Variants in MATR3 observed in about 807,000 individuals in gnomAD.
The protein encoded by MATR3 is matrin 3, also known as matrin-3.
A neutral mutation model predicts 85.5 loss-of-function variants in MATR3; 4 were observed. The observed-to-expected ratio is 0.05, with a 90% CI of 0.02 to 0.11. The LOEUF (loss-of-function observed/expected upper bound fraction) is 0.11. Among genes scored for constraint, MATR3 ranks in the 10% least tolerant of loss-of-function variants. The pLI, the probability that MATR3 is intolerant of heterozygous loss-of-function variation, is 1.00. For synonymous variants in MATR3, 336 were observed against 343.1 expected (o/e 0.98, Z 0.23); for missense variants, 685 against 1,016.1 (o/e 0.67, Z 4.43).
At chr5:139,275,707 G>A (rs539584757) in intron 1 of MATR3, among the ~76,000 whole-genome samples, 2 of 152,326 alleles carry the variant, frequency 1.3e-5, no homozygotes, top group South Asian at 4.1e-4. Context: ...TCAGGAGGCT[G>A]AGGTAGGAGA....
chr5:139,310,410 C>CTA (rs1228388228), intron 2 of MATR3: 2 of 152,228 alleles, frequency 1.3e-5, no homozygotes, highest in Non-Finnish European at 2.9e-5. Context: ...ATCTGAATTT[C>CTA]TAGTTTTCTA....
chr5:139,284,129 A>G (rs1201813252), intron 3 of MATR3, among the ~76,000 whole-genome samples: 1 of 152,200 alleles, frequency 6.6e-6, no homozygotes, highest in Non-Finnish European at 1.5e-5. Context: ...TAATGTACCC[A>G]AAATAGAGTA....
At chr5:139,304,500 G>T (rs960670320) in intron 1 of MATR3, among the ~76,000 whole-genome samples, 2 of 117,818 alleles carry the variant, frequency 1.7e-5, no homozygotes, top group South Asian at 2.7e-4. Flanking sequence ...AACTCCATCT[G>T]AAAAAAAAAA....
At chr5:139,277,262 C>T (rs978633063) in intron 2 of MATR3, among the ~76,000 whole-genome samples, 2 of 151,746 alleles carry the variant, frequency 1.3e-5, no homozygotes, top group Non-Finnish European at 2.9e-5. Flanking sequence ...TCCTGCCTCT[C>T]AAAGTGCTGG....
chr5:139,321,431 G>A (rs942089372), intron 9 of MATR3, among the ~76,000 whole-genome samples: 17 of 151,180 alleles, frequency 1.1e-4, no homozygotes, highest in African/African-American at 4.1e-4. Flanking sequence ...TGGGATTACA[G>A]GTGTGAGCCA....
chr5:139,290,726 C>T (rs892768492), upstream of MATR3, among the ~76,000 whole-genome samples: 2 of 152,064 alleles, frequency 1.3e-5, no homozygotes, highest in African/African-American at 4.8e-5. Flanking sequence ...GCTGGGATTA[C>T]AGGTGTGAAC....
rs56024855 is a variant in MATR3 at position 139,307,670 on chromosome 5, T to G, written c.255T>G (p.Ser85=). 3 of 1,614,182 alleles carry G rather than the reference T, an allele frequency of 1.9e-6. No homozygotes were observed. Among genetic ancestry groups the G allele is most frequent in the Non-Finnish European group, 1.7e-6 (2 of 1,180,016 alleles). Reference sequence around the variant, plus strand: ...GTACTTCTTCCCATAATTTGCAGTCTATATTTAACATTGGAAGTAGAGGTC... The same window carrying G: ...GTACTTCTTCCCATAATTTGCAGTCGATATTTAACATTGGAAGTAGAGGTC... ...SASTSSHNLQ[S]IFNIGSRGPL... Residue 85 remains serine, a synonymous_variant, in exon 2 of 15, where the codon TCT becomes TCG. Coordinates refer to ENST00000394805, the MANE Select transcript of MATR3 (RefSeq NM_018834.6). This position sits in a 1 kb window ranked among gnomAD's most constrained non-coding sequence, Gnocchi z 4.4.
Position 139,322,956 on chromosome 5 carries a change from A to G in MATR3, c.2137A>G (p.Lys713Glu). The G allele has an allele frequency of 3.7e-6, 6 of 1,614,158 alleles. No individual in the cohort carries two copies. ...DGSASAAAKK[K>E]LKKVDKIEEL... ...AAGTGCTTCAGCAGCAGCAAAGAAA[A>G]AGCTTAAAAAGGTAAAGAAAGATAC... The change falls in exon 12 of 15, where the codon AAG becomes GAG. Residue 713 changes from lysine to glutamate, a missense_variant. By Grantham distance (56) the Lys-to-Glu change is moderately conservative. Coordinates refer to ENST00000394805, the MANE Select transcript of MATR3 (RefSeq NM_018834.6).
intron 14 of MATR3, 127 bp from the exon 15 acceptor site, chr5:139,329,218 T>G (rs1020398875): frequency 2.8e-6 from 2 of 710,130 alleles, no homozygotes; most frequent in Non-Finnish European, 5.0e-6. Context: ...AACTAATTGT[T>G]GAAAATATTG....
At chr5:139,305,189 G>A (rs1192496395) in intron 1 of MATR3, among the ~76,000 whole-genome samples, 1 of 152,064 alleles carries the variant, frequency 6.6e-6, no homozygotes, top group Non-Finnish European at 1.5e-5. Flanking sequence ...ACTCTTTTCT[G>A]AGTTTTTCTG....
At chr5:139,284,874 C>T (rs1010851651) in intron 3 of MATR3, among the ~76,000 whole-genome samples, 15 of 152,066 alleles carry the variant, frequency 9.9e-5, no homozygotes, top group Admixed American at 3.9e-4. Context: ...TTCTGGGGTT[C>T]TATAAAAAAT....
chr5:139,305,138 T>C (rs1360223360), intron 1 of MATR3, among the ~76,000 whole-genome samples: 1 of 152,254 alleles, frequency 6.6e-6, no homozygotes, highest in Non-Finnish European at 1.5e-5. Flanking sequence ...AAGGTGGTTA[T>C]GGAATTACAC....
rs754047142 is a variant in MATR3 at position 139,330,715 on chromosome 5, T to C, written c.*1320T>C. ...GACTTAACAGTACAATTGGAAGTAATACGGATGAGCAAGAATTAGTTCTGC... is the reference window on the plus strand; with the variant it reads ...GACTTAACAGTACAATTGGAAGTAACACGGATGAGCAAGAATTAGTTCTGC... On this transcript the variant is annotated 3_prime_UTR_variant, in exon 15 of 15. Transcript: ENST00000394805. 1.8e-5 allele frequency: 8 copies of C among 453,990 alleles called. No individual in the cohort carries two copies. The highest frequency in any genetic ancestry group is 3.5e-5 in the Non-Finnish European group (8 of 226,776). The allele number at this position is 453,990 out of a possible 1,614,324, so 28.1% of individuals were successfully genotyped here.
At chr5:139,289,606 C>T (rs1163813809), upstream of MATR3, among the ~76,000 whole-genome samples, 1 of 152,198 alleles carries the variant, frequency 6.6e-6, no homozygotes, top group South Asian at 2.1e-4. Flanking sequence ...TGCTCCATAC[C>T]TCCTGTTACT....
chr5:139,331,589 T>C lies in MATR3; in HGVS notation c.*2194T>C, dbSNP rs760576225. ...TTCCACTCATGTTTGCTGTAAAGTT[T>C]AAGAACATTTTTCCTACGGCTATGT... On this transcript the variant is annotated 3_prime_UTR_variant, in exon 15 of 15. Coordinates refer to ENST00000394805, the MANE Select transcript of MATR3 (RefSeq NM_018834.6). 2.2e-6 allele frequency: 1 copy of C among 454,142 alleles called. No individual in the cohort carries two copies. Among genetic ancestry groups the C allele is most frequent in the Non-Finnish European group, 4.4e-6 (1 of 226,794 alleles). The allele number at this position is 454,142 out of a possible 1,614,324, so 28.1% of individuals were successfully genotyped here.
At chr5:139,278,395 T>C (rs1458118216) in intron 2 of MATR3, 3 of 453,326 alleles carry the variant, frequency 6.6e-6, no homozygotes, top group South Asian at 1.6e-5. Flanking sequence ...ACAGTCTGCA[T>C]GTGCAGTTTT....
chr5:139,275,712 A>G lies in MATR3; in HGVS notation c.-286-409A>G, dbSNP rs183897584. Among the ~76,000 whole-genome samples, 161 of 152,284 alleles carry G rather than the reference A, an allele frequency of 1.1e-3. 1 individual carries two copies. The highest frequency in any genetic ancestry group is 3.6e-3 in the African/African-American group (150 of 41,562). ...TCCCAGCTACTCAGGAGGCTGAGGT[A>G]GGAGAATCACTTGAGCCCAGGAAGT... On this transcript the variant is annotated intron_variant, in intron 1 of 16. Transcript: ENST00000509990.
At chr5:139,305,506 T>C (rs913070834) in intron 1 of MATR3, among the ~76,000 whole-genome samples, 3 of 152,188 alleles carry the variant, frequency 2.0e-5, no homozygotes, top group African/African-American at 4.8e-5. Flanking sequence ...CATTTTTATT[T>C]TGAAAAACCC....
chr5:139,305,074 A>G (rs932592226), intron 1 of MATR3, among the ~76,000 whole-genome samples: 5 of 152,218 alleles, frequency 3.3e-5, no homozygotes, highest in African/African-American at 9.6e-5. Flanking sequence ...ATTTTACCCT[A>G]ATATCCTTGA....
Sources: allele counts gnomAD v4.1 joint callset (sites outside exome capture counted in the v4.1 genomes callset), GRCh38; gene constraint gnomAD v4.1.1; non-coding constraint Gnocchi (gnomAD v3.1); transcripts MANE v1.5; gene names NCBI Gene and HGNC (gene_info 2026-07-23, HGNC 2026-07-21).